PCDHA8: variants seen among roughly 807,000 people sequenced by gnomAD.
The protein encoded by PCDHA8 is protocadherin alpha 8.
A neutral mutation model predicts 61.8 loss-of-function variants in PCDHA8; 53 were observed. The ratio of observed to expected loss-of-function variants is 0.86; its 90% CI spans 0.69 to 1.08. PCDHA8 has a LOEUF of 1.08. Among genes scored for constraint, PCDHA8 ranks in the 50% least tolerant of loss-of-function variants. The probability of loss-of-function intolerance (pLI) is 0.00; values close to 1 mark genes in which losing one functional copy is unlikely to be tolerated. For synonymous variants in PCDHA8, 618 were observed against 556.6 expected, an observed-to-expected ratio of 1.11 and a Z score of -1.55; for missense variants, 1,293 against 1,245.0, an observed-to-expected ratio of 1.04 and a Z score of -0.58.
chr5:140,975,861 T>G (rs782026072), intron 1 of PCDHA8, among the ~76,000 whole-genome samples: 8 of 152,192 alleles, frequency 5.3e-5, no homozygotes, highest in Non-Finnish European at 8.8e-5. Flanking sequence ...ATCACCCATA[T>G]GGACTACCTA....
chr5:140,858,341 G>A, intron 1 of PCDHA8: 1 of 1,595,396 alleles, frequency 6.3e-7, no homozygotes, highest in Non-Finnish European at 8.6e-7. Context: ...CCTGCCCAAG[G>A]CGGACCTCAT....
intron 1 of PCDHA8, chr5:140,882,990 A>T (rs1554176394): frequency 6.2e-7 from 1 of 1,614,130 alleles, no homozygotes; most frequent in Admixed American, 1.7e-5. Context: ...AACGCCCCGG[A>T]ATTTTACCAA....
chr5:141,007,915 A>G (rs561873534), intron 3 of PCDHA8, among the ~76,000 whole-genome samples: 5 of 152,308 alleles, frequency 3.3e-5, no homozygotes, highest in South Asian at 2.1e-4. Flanking sequence ...TGAAGATGCT[A>G]TATAAGCTGG....
chr5:140,857,554 G>T lies in PCDHA8; in HGVS notation c.2394+13839G>T, dbSNP rs782355772. On this transcript the variant is annotated intron_variant, in intron 1 of 3. Coordinates refer to ENST00000531613, the MANE Select transcript of PCDHA8 (RefSeq NM_018911.3). ...TGGAGCGGCGGTTGGGCGAGCGCTC[G>T]CTGTCGAGCTACGTGTCGGTGCACG... 1.1e-5 allele frequency: 18 copies of T among 1,596,768 alleles called. 1 individual carries two copies. Among genetic ancestry groups the T allele is most frequent in the East Asian group, 6.7e-5 (3 of 44,826 alleles).
chr5:140,914,073 C>G (rs1314205032), intron 1 of PCDHA8, among the ~76,000 whole-genome samples: 1 of 152,122 alleles, frequency 6.6e-6, no homozygotes, highest in Non-Finnish European at 1.5e-5. Flanking sequence ...TGCTCCATAA[C>G]TATCTATTAG....
At chr5:140,858,843 T>C (rs1373810997) in intron 1 of PCDHA8, 2 of 313,860 alleles carry the variant, frequency 6.4e-6, no homozygotes, top group Non-Finnish European at 1.2e-5. Context: ...AAAATTCCAC[T>C]GATCTATATC....
intron 3 of PCDHA8, among the ~76,000 whole-genome samples, chr5:140,989,700 C>T (rs1367211310): frequency 6.6e-6 from 1 of 152,178 alleles, no homozygotes; most frequent in East Asian, 1.9e-4. Flanking sequence ...AAAATTTTAT[C>T]TTCAGAGGCA....
intron 1 of PCDHA8, among the ~76,000 whole-genome samples, chr5:140,873,882 A>G (rs1311106784): frequency 6.6e-6 from 1 of 152,152 alleles, no homozygotes; most frequent in Non-Finnish European, 1.5e-5. Context: ...GCTGGTCTTG[A>G]ACTCCTGACC....
chr5:140,896,540 T>C (rs1372765271), intron 1 of PCDHA8, among the ~76,000 whole-genome samples: 1 of 151,560 alleles, frequency 6.6e-6, no homozygotes, highest in Non-Finnish European at 1.5e-5. Flanking sequence ...ATTTTTCTTT[T>C]TTTTTTTTGT....
intron 1 of PCDHA8, chr5:140,926,897 T>C: frequency 1.3e-6 from 2 of 1,548,696 alleles, no homozygotes; most frequent in Non-Finnish European, 1.7e-6. Context: ...GGGAGGATGG[T>C]GGGCTGTGGG....
chr5:140,857,789 C>T lies in PCDHA8; in HGVS notation c.2394+14074C>T, dbSNP rs576562662. Reference sequence around the variant, plus strand: ...GGGCGGTGCAGTCAGTGAGCTGGTGCTGCGGTCGGTGGTTGCGGGTCACGT... The same window carrying T: ...GGGCGGTGCAGTCAGTGAGCTGGTGTTGCGGTCGGTGGTTGCGGGTCACGT... On this transcript the variant is annotated intron_variant, in intron 1 of 3. Transcript: ENST00000531613. 7.5e-6 allele frequency: 12 copies of T among 1,597,704 alleles called. No homozygotes were observed. In the African/African-American group the frequency reaches 1.5e-4, roughly 20 times the overall value.
At chr5:140,875,884 C>T (rs531777396) in intron 1 of PCDHA8, 2 of 1,614,168 alleles carry the variant, frequency 1.2e-6, no homozygotes, top group South Asian at 2.2e-5. Flanking sequence ...AGAAAGGGAA[C>T]AAAAGGTACC....
rs189936741 is a variant in PCDHA8, at chr5:140,928,492, C to T, written c.2395-50457C>T. The T allele has an allele frequency of 1.5e-5, 24 of 1,614,150 alleles. No individual in the cohort carries two copies. In the East Asian group the frequency reaches 5.3e-4, roughly 36 times the overall value. ...AGAAGGCCGGGATGGTGGCATTCCT[C>T]CCAGAAGTGCAACAGTGACTATAAA... On this transcript the variant is annotated intron_variant, in intron 1 of 3. Transcript: ENST00000531613.
intron 1 of PCDHA8, among the ~76,000 whole-genome samples, chr5:140,944,291 G>T (rs155813): frequency 6.6e-6 from 1 of 151,928 alleles, no homozygotes; most frequent in African/African-American, 2.4e-5. Flanking sequence ...GGGCTCAAGC[G>T]ATCCTCCTAC....
chr5:140,869,867 C>A (rs1554163562), intron 1 of PCDHA8: 7 of 1,609,988 alleles, frequency 4.3e-6, no homozygotes, highest in Non-Finnish European at 5.9e-6. Context: ...ATGGAAAATG[C>A]TGCTAAAGAA....
intron 1 of PCDHA8, chr5:140,878,201 T>C (rs1157119125): frequency 6.1e-6 from 1 of 164,102 alleles, no homozygotes; most frequent in African/African-American, 2.4e-5. Context: ...GTTGCAAGAA[T>C]GGTACAAAGA....
intron 1 of PCDHA8, among the ~76,000 whole-genome samples, chr5:140,845,576 A>G (rs1779934940): frequency 6.7e-6 from 1 of 149,490 alleles, no homozygotes; most frequent in Non-Finnish European, 1.5e-5. Flanking sequence ...AATTTCTGGG[A>G]TTGAAATGTG....
At chr5:140,917,352 C>G (rs2078160172) in intron 1 of PCDHA8, among the ~76,000 whole-genome samples, 1 of 141,764 alleles carries the variant, frequency 7.1e-6, no homozygotes, top group African/African-American at 2.6e-5. Context: ...GTGTAGGCTT[C>G]TGTTCCACTA....
At chr5:140,855,129 T>A (rs1294464792) in intron 1 of PCDHA8, among the ~76,000 whole-genome samples, 1 of 149,788 alleles carries the variant, frequency 6.7e-6, no homozygotes, top group African/African-American at 2.4e-5. Context: ...TAGGTAATAA[T>A]TTTGCCTGAT....
Sources: allele counts gnomAD v4.1 joint callset (sites outside exome capture counted in the v4.1 genomes callset), GRCh38; gene constraint gnomAD v4.1.1; transcripts MANE v1.5; gene names NCBI Gene and HGNC (gene_info 2026-07-23, HGNC 2026-07-21).